The following NTAQ1 variants were observed in gnomAD, a reference collection of about 807,000 sequenced individuals.
The protein encoded by NTAQ1 is protein N-terminal glutamine amidohydrolase.
NTAQ1 carries 21 observed loss-of-function variants against 28.2 expected under a neutral mutation model. That is an observed-to-expected ratio of 0.74 (90% CI 0.53 to 1.07). The LOEUF (loss-of-function observed/expected upper bound fraction) is 1.07. Among genes scored for constraint, NTAQ1 ranks in the 50% least tolerant of loss-of-function variants. The pLI, the probability that NTAQ1 is intolerant of heterozygous loss-of-function variation, is 0.00. For synonymous variants in NTAQ1, 105 were observed against 90.0 expected (o/e 1.17, Z -0.94); for missense variants, 264 against 256.6 (o/e 1.03, Z -0.20).
downstream of NTAQ1, among the ~76,000 whole-genome samples, chr8:123,470,980 G>A (rs556939251): frequency 6.6e-6 from 1 of 151,624 alleles, no homozygotes; most frequent in South Asian, 2.1e-4. Context: ...GAGTGCAGTG[G>A]CATGATCATA....
At chr8:123,428,782 A>G (rs1814224099) in intron 2 of NTAQ1, among the ~76,000 whole-genome samples, 1 of 151,754 alleles carries the variant, frequency 6.6e-6, no homozygotes, top group Non-Finnish European at 1.5e-5. Context: ...TTGTATTTTC[A>G]GTAGAGACAG....
chr8:123,455,326 C>T (rs1815616818), intron 6 of NTAQ1, among the ~76,000 whole-genome samples: 2 of 152,056 alleles, frequency 1.3e-5, no homozygotes, highest in Non-Finnish European at 2.9e-5. Context: ...ACAGAGGAGT[C>T]AGTCCACATC....
chr8:123,437,120 A>G (rs903551264), intron 4 of NTAQ1, 90 bp from the exon 5 acceptor site: 27 of 1,525,954 alleles, frequency 1.8e-5, no homozygotes, highest in Non-Finnish European at 2.1e-5. Context: ...AGTTTTGTGC[A>G]TGTCATAGGA....
Position 123,441,296 on chromosome 8 carries a change from AT to A in NTAQ1, c.509-3del. ...TTCAGTGGACATTTTTTTTTCATATATTTTTTTAGATTCCAAAATGAACCTG... is the reference window on the plus strand; with the variant it reads ...TTCAGTGGACATTTTTTTTTCATATATTTTTTAGATTCCAAAATGAACCTG... On this transcript the variant is annotated splice_polypyrimidine_tract_variant and intron_variant, in intron 5 of 5. Transcript: ENST00000287387. 2 of 1,583,248 alleles carry A rather than the reference AT, an allele frequency of 1.3e-6. No individual in the cohort carries two copies. The highest frequency in any genetic ancestry group is 8.6e-7 in the Non-Finnish European group (1 of 1,166,680).
intron 6 of NTAQ1, among the ~76,000 whole-genome samples, chr8:123,454,218 A>G (rs1228465439): frequency 6.6e-6 from 1 of 152,256 alleles, no homozygotes; most frequent in Non-Finnish European, 1.5e-5. Flanking sequence ...GGCAGAGAAC[A>G]GAAATTGCTT....
At chr8:123,454,325 G>T (rs919776944) in intron 6 of NTAQ1, among the ~76,000 whole-genome samples, 7 of 151,992 alleles carry the variant, frequency 4.6e-5, no homozygotes, top group Non-Finnish European at 1.0e-4. Context: ...TGCTATAATT[G>T]CTCCCTTGAT....
At chr8:123,422,606 G>GTTTTTTTTTTTT (rs112284256) in intron 1 of NTAQ1, among the ~76,000 whole-genome samples, 1 of 134,422 alleles carries the variant, frequency 7.4e-6, no homozygotes, top group African/African-American at 2.8e-5. Flanking sequence ...TCCATTGATA[G>GTTTTTTTTTTTT]TTTTTTTTTT....
intron 6 of NTAQ1, among the ~76,000 whole-genome samples, chr8:123,460,368 G>A (rs1022960278): frequency 2.6e-5 from 4 of 152,202 alleles, no homozygotes; most frequent in African/African-American, 7.2e-5. Context: ...AATATGTAAA[G>A]GAATGTGATT....
chr8:123,455,705 A>G (rs1172964968), intron 6 of NTAQ1, among the ~76,000 whole-genome samples: 1 of 152,114 alleles, frequency 6.6e-6, no homozygotes, highest in South Asian at 2.1e-4. Flanking sequence ...GATTACAGGC[A>G]TGAGCCACCG....
chr8:123,448,849 G>A (rs930237282), downstream of NTAQ1, among the ~76,000 whole-genome samples: 3 of 152,134 alleles, frequency 2.0e-5, no homozygotes, highest in Non-Finnish European at 2.9e-5. Context: ...GGCTTGTCCC[G>A]TGGGCTAGAG....
chr8:123,460,910 C>T (rs371403819), intron 6 of NTAQ1, among the ~76,000 whole-genome samples: 3 of 152,168 alleles, frequency 2.0e-5, no homozygotes, highest in African/African-American at 7.2e-5. Context: ...GGAGGCGTGC[C>T]GTCTGACTTC....
chr8:123,450,720 T>C (rs1319648787), downstream of NTAQ1, among the ~76,000 whole-genome samples: 2 of 152,104 alleles, frequency 1.3e-5, no homozygotes, highest in Non-Finnish European at 2.9e-5. Context: ...TTCAGGGATA[T>C]TTCATCCAGG....
intron 6 of NTAQ1, among the ~76,000 whole-genome samples, chr8:123,457,583 T>C (rs374042771): frequency 2.0e-5 from 3 of 152,326 alleles, no homozygotes; most frequent in African/African-American, 7.2e-5. Flanking sequence ...TTGTACAGAA[T>C]ATCTATAGGA....
chr8:123,463,041 C>T (rs752668138), intron 6 of NTAQ1, among the ~76,000 whole-genome samples: 1 of 152,174 alleles, frequency 6.6e-6, no homozygotes, highest in African/African-American at 2.4e-5. Context: ...AATGGGAATA[C>T]GGTGGCTCCA....
At chr8:123,441,030 GC>G (rs1381785663) in intron 5 of NTAQ1, among the ~76,000 whole-genome samples, 1 of 132,660 alleles carries the variant, frequency 7.5e-6, no homozygotes, top group African/African-American at 2.7e-5. Flanking sequence ...TCAGTACTTA[GC>G]CAAAGACTCG....
At chr8:123,424,521 C>T (rs1387552028) in intron 1 of NTAQ1, among the ~76,000 whole-genome samples, 3 of 152,010 alleles carry the variant, frequency 2.0e-5, no homozygotes, top group African/African-American at 4.8e-5. Context: ...GGATTACAGG[C>T]GTGAGCTGCT....
At chr8:123,417,773 C>G (rs1272442503) in intron 1 of NTAQ1, among the ~76,000 whole-genome samples, 1 of 152,092 alleles carries the variant, frequency 6.6e-6, no homozygotes, top group African/African-American at 2.4e-5. Flanking sequence ...ATGTCAGGCT[C>G]AGTGGCAGGT....
downstream of NTAQ1, among the ~76,000 whole-genome samples, chr8:123,442,545 A>T: frequency 6.7e-6 from 1 of 149,312 alleles, no homozygotes; most frequent in African/African-American, 2.5e-5. Context: ...CAGTGAGCTG[A>T]GATCATGCTG....
chr8:123,461,627 C>G (rs540954170), intron 6 of NTAQ1, among the ~76,000 whole-genome samples: 1 of 152,172 alleles, frequency 6.6e-6, no homozygotes, highest in Non-Finnish European at 1.5e-5. Flanking sequence ...GTTGGGCTTT[C>G]CTGCAGGAGT....
Sources: gnomAD v4.1 joint callset for allele counts (sites outside exome capture counted in the v4.1 genomes callset) on GRCh38, gnomAD v4.1.1 for gene constraint, MANE v1.5 for transcripts, NCBI Gene and HGNC (gene_info 2026-07-23, HGNC 2026-07-21) for gene names.